The following ADAMTS6 variants were observed in gnomAD, a reference collection of about 807,000 sequenced individuals.
ADAMTS6 encodes the protein ADAM metallopeptidase with thrombospondin type 1 motif 6.
ADAMTS6 carries 23 observed loss-of-function variants against 144.3 expected under a neutral mutation model. That is an observed-to-expected ratio of 0.16 (90% CI 0.11 to 0.23). The LOEUF is 0.23. Among genes scored for constraint, ADAMTS6 ranks in the 10% least tolerant of loss-of-function variants. The pLI, the probability that ADAMTS6 is intolerant of heterozygous loss-of-function variation, is 1.00. For synonymous variants in ADAMTS6, 444 were observed against 457.5 expected, an observed-to-expected ratio of 0.97 and a Z score of 0.38; for missense variants, 999 against 1,379.6, an observed-to-expected ratio of 0.72 and a Z score of 4.37.
intron 1 of ADAMTS6, among the ~76,000 whole-genome samples, chr5:65,479,279 A>G (rs1424274733): frequency 6.6e-6 from 1 of 152,222 alleles, no homozygotes; most frequent in East Asian, 1.9e-4. Flanking sequence ...GGCTCTAAGT[A>G]TAAAGGTTTC....
rs1408877398 is a variant in ADAMTS6 at position 65,414,451 on chromosome 5, G to GC, written c.1073+37023dup. Among the ~76,000 whole-genome samples, 21 of 151,928 alleles carry GC rather than the reference G, an allele frequency of 1.4e-4. No individual in the cohort carries two copies. The East Asian group carries it at 3.7e-3, about 27-fold the overall frequency. ...CTAAGAAGGTCAAGGGAAAGATTTT[G>GC]CCCCCCTACACTAAATGATGAAAAC... On this transcript the variant is annotated intron_variant, in intron 7 of 24. Transcript: ENST00000381055.
At chr5:65,398,165 T>C (rs1337282877) in intron 7 of ADAMTS6, among the ~76,000 whole-genome samples, 3 of 152,198 alleles carry the variant, frequency 2.0e-5, no homozygotes, top group Admixed American at 1.3e-4. Context: ...GTTGTTGAGT[T>C]CAACTATGTC....
intron 7 of ADAMTS6, among the ~76,000 whole-genome samples, chr5:65,367,538 C>T (rs553072571): frequency 1.4e-4 from 21 of 152,272 alleles, no homozygotes; most frequent in African/African-American, 4.8e-4. Context: ...GTACAGATTA[C>T]CTTGCCCAGG....
chr5:65,463,750 TC>T (rs1759796227), intron 3 of ADAMTS6, among the ~76,000 whole-genome samples: 1 of 152,160 alleles, frequency 6.6e-6, no homozygotes, highest in African/African-American at 2.4e-5. Context: ...AGGTCAATCA[TC>T]AACAAAATCT....
At position 65,439,984 on chromosome 5, in the gene ADAMTS6, T is replaced by C. The variant is rs563374155; in HGVS notation, c.1073+11491A>G. Among the ~76,000 whole-genome samples, 44 of 152,248 alleles carry C rather than the reference T, an allele frequency of 2.9e-4. 1 individual carries two copies. The South Asian group carries it at 6.6e-3, about 23-fold the overall frequency. On this transcript the variant is annotated intron_variant, in intron 7 of 24. Transcript: ENST00000381055. ...CATACCCAGCTAAGTTTTCTATTTT[T>C]AGTAGTAGAGATGGGGTTTTGCCAT...
chr5:65,231,925 C>T (rs1758277061), intron 15 of ADAMTS6, among the ~76,000 whole-genome samples: 14 of 152,178 alleles, frequency 9.2e-5, no homozygotes, highest in Non-Finnish European at 1.5e-5. Flanking sequence ...GCCAGGCCAA[C>T]ATGTTGAAAC....
chr5:65,173,890 G>C (rs1753776791), intron 22 of ADAMTS6, among the ~76,000 whole-genome samples: 1 of 152,084 alleles, frequency 6.6e-6, no homozygotes, highest in South Asian at 2.1e-4. Context: ...GGGTGTGGTG[G>C]TGTGTGTCTG....
At chr5:65,153,695 A>C (rs1194802597) in intron 24 of ADAMTS6, among the ~76,000 whole-genome samples, 1 of 152,222 alleles carries the variant, frequency 6.6e-6, no homozygotes, top group Admixed American at 6.5e-5. Flanking sequence ...TAAAGACACA[A>C]GTCAGTTTGC....
intron 7 of ADAMTS6, among the ~76,000 whole-genome samples, chr5:65,356,436 G>A (rs574314199): frequency 3.8e-4 from 57 of 151,914 alleles, no homozygotes; most frequent in African/African-American, 1.2e-3. Flanking sequence ...TATGTCAAAT[G>A]ACAACTGCTA....
intron 11 of ADAMTS6, among the ~76,000 whole-genome samples, chr5:65,277,307 A>T (rs996826425): frequency 1.3e-5 from 2 of 152,238 alleles, no homozygotes; most frequent in African/African-American, 4.8e-5. Context: ...CTTAGAATTC[A>T]TGGGCACTTC....
intron 7 of ADAMTS6, among the ~76,000 whole-genome samples, chr5:65,334,921 T>C (rs563353451): frequency 6.6e-6 from 1 of 152,102 alleles, no homozygotes; most frequent in Admixed American, 6.6e-5. Context: ...AAAAAATAAA[T>C]GTAAAAGGCT....
intron 22 of ADAMTS6, among the ~76,000 whole-genome samples, chr5:65,183,122 A>G (rs1379109822): frequency 1.3e-5 from 2 of 152,212 alleles, no homozygotes; most frequent in Admixed American, 6.5e-5. Flanking sequence ...TTTAAGTAGA[A>G]CTCTAGCAAG....
chr5:65,189,961 G>A (rs186742183), intron 21 of ADAMTS6, among the ~76,000 whole-genome samples: 137 of 152,336 alleles, frequency 9.0e-4, no homozygotes, highest in African/African-American at 3.1e-3. Flanking sequence ...AATATGGAAA[G>A]CTTAAGAGCA....
At chr5:65,194,316 T>C (rs963195254) in intron 21 of ADAMTS6, among the ~76,000 whole-genome samples, 1 of 152,200 alleles carries the variant, frequency 6.6e-6, no homozygotes, top group African/African-American at 2.4e-5. Context: ...TGAGGTACAA[T>C]AGTATCTCTA....
chr5:65,202,019 C>T (rs1459274755), intron 20 of ADAMTS6, among the ~76,000 whole-genome samples: 1 of 152,180 alleles, frequency 6.6e-6, no homozygotes, highest in African/African-American at 2.4e-5. Context: ...GCTGTTGTGC[C>T]GTGTGATTGT....
chr5:65,284,954 C>A (rs1418435581), intron 11 of ADAMTS6, among the ~76,000 whole-genome samples: 1 of 152,126 alleles, frequency 6.6e-6, no homozygotes, highest in South Asian at 2.1e-4. Flanking sequence ...AGAATAAATT[C>A]TATATTTACC....
rs146479793 is a variant in ADAMTS6, at chr5:65,286,682, C to G, written c.1512+4647G>C. ...AACCTATACTGAACCATTAAGTGTA[C>G]TGGAAAACAATAATTGAGATTTGAT... On this transcript the variant is annotated intron_variant, in intron 11 of 24. Coordinates refer to ENST00000381055, the MANE Select transcript of ADAMTS6 (RefSeq NM_197941.4). 1.5e-3 allele frequency among the ~76,000 whole-genome samples: 222 copies of G among 152,168 alleles called. 1 individual carries two copies. The highest frequency in any genetic ancestry group is 4.8e-3 in the African/African-American group (201 of 41,508).
chr5:65,372,637 G>A (rs1268253733), intron 7 of ADAMTS6, among the ~76,000 whole-genome samples: 1 of 151,856 alleles, frequency 6.6e-6, no homozygotes, highest in Admixed American at 6.6e-5. Context: ...AAGAGACTTA[G>A]ACTCCCACGC....
intron 9 of ADAMTS6, among the ~76,000 whole-genome samples, chr5:65,309,495 G>A (rs1470114033): frequency 1.3e-5 from 2 of 151,662 alleles, no homozygotes; most frequent in Non-Finnish European, 2.9e-5. Flanking sequence ...GGGGGCAGCT[G>A]TAAATACAAA....
Sources: allele counts gnomAD v4.1 joint callset (sites outside exome capture counted in the v4.1 genomes callset), GRCh38; gene constraint gnomAD v4.1.1; transcripts MANE v1.5; gene names NCBI Gene and HGNC (gene_info 2026-07-23, HGNC 2026-07-21).